The following KLF15 variants were observed in gnomAD, a reference collection of about 807,000 sequenced individuals.
KLF15 encodes KLF transcription factor 15.
Under a neutral mutation model 24.6 loss-of-function variants are expected in KLF15, and 4 were observed. That is an observed-to-expected ratio of 0.16 (90% CI 0.08 to 0.37). KLF15 has a LOEUF of 0.37. Ranked by LOEUF, KLF15 falls within the 10% of genes least tolerant of loss-of-function variation. KLF15 has a pLI of 1.00. For synonymous variants in KLF15, 246 were observed against 236.3 expected, an observed-to-expected ratio of 1.04 and a Z score of -0.37; for missense variants, 496 against 560.6, an observed-to-expected ratio of 0.88 and a Z score of 1.16.
At chr3:126,317,787 C>T in the KLF15 span, among the ~76,000 whole-genome samples, 1 of 152,156 alleles carries the variant, frequency 6.6e-6, no homozygotes, top group Non-Finnish European at 1.5e-5. Context: ...TCCTTTCATT[C>T]CTGCTCTAAA....
At chr3:126,296,268 CG>C in the KLF15 span, among the ~76,000 whole-genome samples, 1 of 152,154 alleles carries the variant, frequency 6.6e-6, no homozygotes. Context: ...AGTACAGTGG[CG>C]TGATCTCTGC....
At chr3:126,344,014 A>G (rs916646264) in intron 2 of KLF15, 119 bp from the exon 3 acceptor site, 2 of 1,016,356 alleles carry the variant, frequency 2.0e-6, no homozygotes, top group Admixed American at 3.3e-5. Flanking sequence ...GTGGCTGCGC[A>G]GACCTGCAGC....
downstream of KLF15, among the ~76,000 whole-genome samples, chr3:126,340,560 C>G (rs561757557): frequency 6.6e-6 from 1 of 152,352 alleles, no homozygotes; most frequent in Non-Finnish European, 1.5e-5. Context: ...TTATAGTAGC[C>G]TAACTCATAC....
At chr3:126,350,811 C>T (rs948056106) in intron 2 of KLF15, among the ~76,000 whole-genome samples, 1 of 152,218 alleles carries the variant, frequency 6.6e-6, no homozygotes, top group Non-Finnish European at 1.5e-5. Flanking sequence ...CACCTGCTGG[C>T]GAGGCCCAGG....
chr3:126,334,986 C>A, the KLF15 span, among the ~76,000 whole-genome samples: 1 of 130,400 alleles, frequency 7.7e-6, no homozygotes, highest in Admixed American at 8.1e-5. Flanking sequence ...CTGAATTATA[C>A]CAGAGGTACA....
chr3:126,309,076 A>T, the KLF15 span, among the ~76,000 whole-genome samples: 2 of 152,256 alleles, frequency 1.3e-5, no homozygotes, highest in Admixed American at 1.3e-4. Flanking sequence ...CAACGCCAGT[A>T]ATGGGCGCCA....
chr3:126,301,610 C>CTTTTTTTT, the KLF15 span, among the ~76,000 whole-genome samples: 33 of 132,274 alleles, frequency 2.5e-4, no homozygotes, highest in East Asian at 4.3e-4. Flanking sequence ...TTTTCTTTTT[C>CTTTTTTTT]TTTTTTTTTT....
chr3:126,293,819 A>C, the KLF15 span: 1 of 152,370 alleles, frequency 6.6e-6, no homozygotes, highest in African/African-American at 2.4e-5. Flanking sequence ...AGATAATTTT[A>C]GACTTATAGA....
At chr3:126,323,671 A>G in the KLF15 span, among the ~76,000 whole-genome samples, 1 of 112,616 alleles carries the variant, frequency 8.9e-6, no homozygotes, top group Non-Finnish European at 1.8e-5. Flanking sequence ...CCACCCCCCA[A>G]CAGGCACTGG....
chr3:126,353,017 C>A, intron 1 of KLF15, 70 bp from the exon 2 acceptor site: 1 of 1,482,588 alleles, frequency 6.7e-7, no homozygotes, highest in Non-Finnish European at 9.0e-7. Context: ...AGGCCTCTGA[C>A]CCCACCCTCA....
chr3:126,297,852 A>G, the KLF15 span, among the ~76,000 whole-genome samples: 1 of 152,164 alleles, frequency 6.6e-6, no homozygotes, highest in Non-Finnish European at 1.5e-5. Context: ...TCATTGGTTG[A>G]TGGGCATTTA....
At position 126,356,094 on chromosome 3, in the gene KLF15, A is replaced by T. The variant is rs559611719; in HGVS notation, c.-26+1143T>A. 4.6e-5 allele frequency among the ~76,000 whole-genome samples: 7 copies of T among 152,224 alleles called. No individual in the cohort carries two copies. The East Asian group carries it at 1.4e-3, about 30-fold the overall frequency. On this transcript the variant is annotated intron_variant, in intron 1 of 2. Coordinates refer to ENST00000296233, the MANE Select transcript of KLF15 (RefSeq NM_014079.4). This position sits in a 1 kb window ranked among gnomAD's most constrained non-coding sequence, Gnocchi z 4.4. ...GGGACACAGCGGCTGCAGGAACAAC[A>T]TGTAATTGATAACAAGCCCAGCGCC...
the KLF15 span, among the ~76,000 whole-genome samples, chr3:126,293,581 C>G: frequency 6.6e-6 from 1 of 152,162 alleles, no homozygotes; most frequent in African/African-American, 2.4e-5. Flanking sequence ...GTGTCAACGT[C>G]GGACTCTAAA....
intron 2 of KLF15, among the ~76,000 whole-genome samples, chr3:126,346,854 C>G (rs1392816839): frequency 6.6e-6 from 1 of 152,202 alleles, no homozygotes; most frequent in African/African-American, 2.4e-5. Flanking sequence ...CACTTACCAA[C>G]CAGGCAAACT....
chr3:126,332,316 C>A, the KLF15 span, among the ~76,000 whole-genome samples: 1 of 148,052 alleles, frequency 6.8e-6, no homozygotes, highest in Non-Finnish European at 1.5e-5. Flanking sequence ...GGCACACTGA[C>A]ACCTCACACT....
downstream of KLF15, among the ~76,000 whole-genome samples, chr3:126,339,568 G>A (rs755505115): frequency 5.3e-5 from 8 of 152,116 alleles, no homozygotes; most frequent in Non-Finnish European, 1.2e-4. Flanking sequence ...CAAATGAAGT[G>A]GGACCTACTC....
the KLF15 span, among the ~76,000 whole-genome samples, chr3:126,333,865 G>A: frequency 6.8e-6 from 1 of 146,644 alleles, no homozygotes; most frequent in Non-Finnish European, 1.5e-5. Context: ...TCAACAAGAA[G>A]AGCTAACTAT....
intron 1 of KLF15, among the ~76,000 whole-genome samples, 187 bp from the exon 2 acceptor site, chr3:126,353,134 A>C (rs541675884): frequency 3.4e-4 from 52 of 152,354 alleles, no homozygotes; most frequent in African/African-American, 1.2e-3. Flanking sequence ...ACCTGTTTGC[A>C]AAAGAGACCT....
chr3:126,344,922 TG>T (rs1407027064), intron 2 of KLF15, among the ~76,000 whole-genome samples: 1 of 152,202 alleles, frequency 6.6e-6, no homozygotes, highest in Non-Finnish European at 1.5e-5. Flanking sequence ...CTGGACTGCT[TG>T]CCACCAACCT....
Sources: gnomAD v4.1 joint callset for allele counts (sites outside exome capture counted in the v4.1 genomes callset) on GRCh38, gnomAD v4.1.1 for gene constraint, Gnocchi (gnomAD v3.1) non-coding constraint, MANE v1.5 for transcripts, NCBI Gene and HGNC (gene_info 2026-07-23, HGNC 2026-07-21) for gene names.